TACR1: variants seen among roughly 807,000 people sequenced by gnomAD.
TACR1 encodes the protein substance-P receptor.
A neutral mutation model predicts 35.8 loss-of-function variants in TACR1; 25 were observed. The ratio of observed to expected loss-of-function variants is 0.70; its 90% CI spans 0.51 to 0.98. TACR1 has a LOEUF of 0.98. TACR1 is among the 50% of genes least tolerant of loss of function. The pLI is 0.00. For missense variants in TACR1, 478 were observed against 522.9 expected, an observed-to-expected ratio of 0.91 and a Z score of 0.84; for synonymous variants, 195 against 206.7, an observed-to-expected ratio of 0.94 and a Z score of 0.48.
chr2:75,160,028 C>A (rs1421222574), intron 1 of TACR1, among the ~76,000 whole-genome samples: 1 of 152,078 alleles, frequency 6.6e-6, no homozygotes, highest in Non-Finnish European at 1.5e-5. Context: ...ACACTACATA[C>A]AAGACTTTAA....
rs541163244 is a variant in TACR1 at position 75,060,209 on chromosome 2, A to G, written c.585-6454T>C. ...GAGTGTGCCATGGGAAGTGGCTGAC[A>G]GTGGTTACCTCTTCAAGGGGAGTGG... On this transcript the variant is annotated intron_variant, in intron 2 of 4. Transcript: ENST00000305249. 2.0e-5 allele frequency among the ~76,000 whole-genome samples: 3 copies of G among 152,246 alleles called. No homozygotes were observed. In the East Asian group the frequency reaches 5.8e-4, roughly 29 times the overall value.
intron 1 of TACR1, among the ~76,000 whole-genome samples, chr2:75,122,103 G>T (rs1673981833): frequency 6.6e-6 from 1 of 152,196 alleles, no homozygotes. Flanking sequence ...TCTCCAGGGA[G>T]AAAAGGTGCA....
intron 2 of TACR1, among the ~76,000 whole-genome samples, chr2:75,118,284 T>A (rs1029426435): frequency 6.6e-6 from 1 of 152,258 alleles, no homozygotes; most frequent in African/African-American, 2.4e-5. Context: ...TGCTATGCAC[T>A]TATGTTTCCA....
At chr2:75,165,213 A>G (rs1271532638) in intron 1 of TACR1, among the ~76,000 whole-genome samples, 2 of 152,230 alleles carry the variant, frequency 1.3e-5, no homozygotes, top group Non-Finnish European at 2.9e-5. Context: ...CCCTTTTTGA[A>G]CGAAAGATCT....
intron 1 of TACR1, among the ~76,000 whole-genome samples, chr2:75,174,498 C>T (rs1311896867): frequency 6.6e-6 from 1 of 152,138 alleles, no homozygotes; most frequent in African/African-American, 2.4e-5. Context: ...TGTGAAACTT[C>T]ATCAGGCTAC....
At chr2:75,117,342 A>G (rs1168183784) in intron 2 of TACR1, among the ~76,000 whole-genome samples, 5 of 152,258 alleles carry the variant, frequency 3.3e-5, no homozygotes, top group African/African-American at 9.6e-5. Context: ...AGGCAGGTGC[A>G]GCAACCTGAG....
At chr2:75,196,320 G>A (rs778475389) in intron 1 of TACR1, among the ~76,000 whole-genome samples, 20 of 152,134 alleles carry the variant, frequency 1.3e-4, no homozygotes, top group Non-Finnish European at 2.6e-4. Flanking sequence ...GAGGGGGTGA[G>A]TTTATAGTGT....
At chr2:75,176,901 C>T (rs556579999) in intron 1 of TACR1, among the ~76,000 whole-genome samples, 54 of 152,202 alleles carry the variant, frequency 3.5e-4, no homozygotes, top group Non-Finnish European at 6.9e-4. Context: ...TTTTCCTACA[C>T]TGATGTAGTC....
chr2:75,084,799 C>A (rs1322996493), intron 2 of TACR1, among the ~76,000 whole-genome samples: 1 of 152,068 alleles, frequency 6.6e-6, no homozygotes, highest in Non-Finnish European at 1.5e-5. Flanking sequence ...TTTAATTAGT[C>A]TATTTGATTC....
chr2:75,073,853 G>C (rs945463706), intron 2 of TACR1, among the ~76,000 whole-genome samples: 1 of 152,194 alleles, frequency 6.6e-6, no homozygotes, highest in African/African-American at 2.4e-5. Context: ...GCTGGATAGG[G>C]TGAGGCATTA....
intron 1 of TACR1, among the ~76,000 whole-genome samples, chr2:75,192,106 G>A (rs1049070044): frequency 6.6e-6 from 1 of 152,172 alleles, no homozygotes; most frequent in Admixed American, 6.5e-5. Flanking sequence ...TAGGGAGGAT[G>A]CCAGTCCTAG....
intron 2 of TACR1, among the ~76,000 whole-genome samples, chr2:75,090,264 A>G (rs1572923649): frequency 6.6e-6 from 1 of 152,204 alleles, no homozygotes; most frequent in African/African-American, 2.4e-5. Flanking sequence ...ATAAAATTCT[A>G]AGGCCCCCCA....
chr2:75,152,415 C>T (rs1388055259), intron 1 of TACR1, among the ~76,000 whole-genome samples: 1 of 152,148 alleles, frequency 6.6e-6, no homozygotes, highest in East Asian at 1.9e-4. Flanking sequence ...ATGGTTTTAT[C>T]AGGGGTTTCT....
intron 1 of TACR1, among the ~76,000 whole-genome samples, chr2:75,162,489 T>G (rs1437252953): frequency 3.3e-5 from 5 of 152,210 alleles, no homozygotes; most frequent in Admixed American, 3.3e-4. Context: ...TCTTCTATTT[T>G]AGGAAAGAGA....
At chr2:75,139,501 A>G (rs3771832) in intron 1 of TACR1, among the ~76,000 whole-genome samples, 72,362 of 152,114 alleles carry the variant, frequency 0.48, 17,997 homozygotes, top group Non-Finnish European at 0.54. Context: ...AGCTATGCAC[A>G]TGGTCAGCTC....
intron 1 of TACR1, among the ~76,000 whole-genome samples, chr2:75,127,610 A>C (rs892222240): frequency 6.6e-6 from 1 of 152,182 alleles, no homozygotes; most frequent in African/African-American, 2.4e-5. Flanking sequence ...GGGTAAAGTG[A>C]AGGAGGGGAT....
chr2:75,160,127 G>C (rs1008518410), intron 1 of TACR1, among the ~76,000 whole-genome samples: 1 of 152,122 alleles, frequency 6.6e-6, no homozygotes, highest in Non-Finnish European at 1.5e-5. Context: ...GAAAAGAATT[G>C]TACCAGCAGT....
rs200079930 is a variant in TACR1 at position 75,120,571 on chromosome 2, C to T, written c.584+3G>A. ...TTTGGCATGGGGAGTCATCTCTACT[C>T]ACACTTTCTCATAAATCTTGTTCGG... On this transcript the variant is annotated splice_donor_region_variant and intron_variant, in intron 2 of 4. Transcript: ENST00000305249. 5.5e-5 allele frequency: 88 copies of T among 1,596,194 alleles called. No homozygotes were observed. Among genetic ancestry groups the T allele is most frequent in the Admixed American group, 1.4e-4 (8 of 59,120 alleles).
At chr2:75,160,584 G>C (rs1052133094) in intron 1 of TACR1, among the ~76,000 whole-genome samples, 2 of 151,370 alleles carry the variant, frequency 1.3e-5, no homozygotes, top group Non-Finnish European at 2.9e-5. Flanking sequence ...TAAAAATGCA[G>C]TTACAAAATC....
Sources: allele counts gnomAD v4.1 joint callset (sites outside exome capture counted in the v4.1 genomes callset), GRCh38; gene constraint gnomAD v4.1.1; transcripts MANE v1.5; gene names NCBI Gene and HGNC (gene_info 2026-07-23, HGNC 2026-07-21).